Variants in MAGI2 observed in about 807,000 individuals in gnomAD.
The protein encoded by MAGI2 is membrane-associated guanylate kinase, WW and PDZ domain-containing protein 2.
Under a neutral mutation model 133.3 loss-of-function variants are expected in MAGI2, and 35 were observed. The observed-to-expected ratio is 0.26, with a 90% CI of 0.20 to 0.35. The LOEUF (loss-of-function observed/expected upper bound fraction) is 0.35. Ranked by LOEUF, MAGI2 falls within the 10% of genes least tolerant of loss-of-function variation. MAGI2 has a pLI of 1.00. For missense variants in MAGI2, 1,636 were observed against 1,863.4 expected, an observed-to-expected ratio of 0.88 and a Z score of 2.25; for synonymous variants, 729 against 710.6, an observed-to-expected ratio of 1.03 and a Z score of -0.41.
chr7:79,163,705 G>A lies in MAGI2; in HGVS notation c.302-156499C>T, dbSNP rs373626302. 3.1e-4 allele frequency among the ~76,000 whole-genome samples: 47 copies of A among 152,152 alleles called. No homozygotes were observed. The East Asian group carries it at 7.4e-3, about 24-fold the overall frequency. On this transcript the variant is annotated intron_variant, in intron 1 of 21. Transcript: ENST00000354212. ...CTGATCAAAGAATATAAGGATGCAA[G>A]CAGGGATTATTTTTTGGCTGCTTGG...
intron 3 of MAGI2, 145 bp downstream of exon 3, chr7:78,626,975 T>C: frequency 3.3e-6 from 2 of 602,736 alleles, no homozygotes; most frequent in Non-Finnish European, 4.9e-6. Context: ...TATTTTAACT[T>C]TTTTAGGATA....
At chr7:78,803,664 A>G (rs1412085656) in intron 2 of MAGI2, among the ~76,000 whole-genome samples, 1 of 152,176 alleles carries the variant, frequency 6.6e-6, no homozygotes, top group Non-Finnish European at 1.5e-5. Flanking sequence ...GGAAAAAGGA[A>G]ATGCTGACGC....
chr7:78,039,219 T>C (rs961067053), intron 21 of MAGI2, among the ~76,000 whole-genome samples: 1 of 152,230 alleles, frequency 6.6e-6, no homozygotes, highest in Non-Finnish European at 1.5e-5. Flanking sequence ...CAGGCTCTTC[T>C]TTGAAAAACT....
intron 9 of MAGI2, among the ~76,000 whole-genome samples, chr7:78,283,776 T>A (rs552553985): frequency 6.6e-6 from 1 of 152,096 alleles, no homozygotes; most frequent in Non-Finnish European, 1.5e-5. Context: ...CTGCTGTATG[T>A]CATGGCATCT....
chr7:78,070,651 T>A (rs1279413986), intron 21 of MAGI2, among the ~76,000 whole-genome samples: 2,325 of 147,734 alleles, frequency 0.016, 54 homozygotes, highest in Admixed American at 0.068. Flanking sequence ...TATATTTTTT[T>A]TTTTTTTTTA....
At chr7:78,091,495 A>G in intron 20 of MAGI2, among the ~76,000 whole-genome samples, 1 of 152,216 alleles carries the variant, frequency 6.6e-6, no homozygotes, top group Non-Finnish European at 1.5e-5. Flanking sequence ...CAAACAGACT[A>G]AGACACCAAT....
At chr7:79,332,432 A>G (rs956378098) in intron 1 of MAGI2, among the ~76,000 whole-genome samples, 7 of 151,922 alleles carry the variant, frequency 4.6e-5, no homozygotes, top group Non-Finnish European at 1.0e-4. Flanking sequence ...TCTTCAAACA[A>G]CTCCCTAATT....
At chr7:78,552,761 G>T (rs953353251) in intron 3 of MAGI2, among the ~76,000 whole-genome samples, 2 of 152,092 alleles carry the variant, frequency 1.3e-5, no homozygotes, top group Non-Finnish European at 2.9e-5. Context: ...AGGGTGCCCT[G>T]AGCCAAAGAG....
chr7:78,245,928 G>A (rs1421412509), intron 10 of MAGI2, among the ~76,000 whole-genome samples: 1 of 152,166 alleles, frequency 6.6e-6, no homozygotes, highest in Admixed American at 6.5e-5. Context: ...CTCTCGGGGT[G>A]AGTGGCCATG....
chr7:79,229,692 A>G (rs1282758297), intron 1 of MAGI2, among the ~76,000 whole-genome samples: 8 of 152,172 alleles, frequency 5.3e-5, no homozygotes, highest in Admixed American at 5.2e-4. Context: ...CAGAATTCTA[A>G]ATATGCTTGT....
At chr7:78,227,805 T>C (rs1340135908) in intron 10 of MAGI2, among the ~76,000 whole-genome samples, 1 of 151,714 alleles carries the variant, frequency 6.6e-6, no homozygotes, top group Non-Finnish European at 1.5e-5. Context: ...CTCTGTCACC[T>C]GAGGAAGTTG....
At chr7:79,199,201 G>A (rs781028830) in intron 1 of MAGI2, among the ~76,000 whole-genome samples, 7 of 151,808 alleles carry the variant, frequency 4.6e-5, no homozygotes, top group Non-Finnish European at 7.4e-5. Context: ...TTCCAACAGC[G>A]TCCAAGTATG....
Position 79,453,659 on chromosome 7 carries a change from A to T in MAGI2, c.-339T>A. On this transcript the variant is annotated 5_prime_UTR_variant, in exon 1 of 22. Transcript: ENST00000354212. The stretch of plus-strand genomic sequence containing the variant: ...GGAGCGAGCAGTAGCCGAGCTGGTG[A>T]GCGGGTGTGGTGGGGGTGGGGAAGG... 5.8e-6 allele frequency: 1 copy of T among 172,502 alleles called. No individual in the cohort carries two copies. Among genetic ancestry groups the T allele is most frequent in the Non-Finnish European group, 9.0e-6 (1 of 110,774 alleles). The allele number at this position is 172,502 out of a possible 1,614,324, so 10.7% of individuals were successfully genotyped here. A position where few individuals can be genotyped will look rare whatever the true frequency, so the allele number is the denominator to read the frequency against.
intron 2 of MAGI2, among the ~76,000 whole-genome samples, chr7:79,005,111 A>G (rs1417620986): frequency 6.6e-6 from 1 of 151,738 alleles, no homozygotes; most frequent in East Asian, 1.9e-4. Context: ...AGATATACTG[A>G]GTCAAGATGG....
chr7:78,985,030 C>T lies in MAGI2; in HGVS notation c.418+22060G>A, dbSNP rs147198245. On this transcript the variant is annotated intron_variant, in intron 2 of 21. Coordinates refer to ENST00000354212, the MANE Select transcript of MAGI2 (RefSeq NM_012301.4). ...TTTTTTTATTTAAATGAGTTTGGGTCTTGTTCTGTTGTCCAGACAGGAATG... is the reference window on the plus strand; with the variant it reads ...TTTTTTTATTTAAATGAGTTTGGGTTTTGTTCTGTTGTCCAGACAGGAATG... Among the ~76,000 whole-genome samples the T allele has an allele frequency of 1.0e-3, 144 of 140,384 alleles. 1 individual carries two copies. In the East Asian group the frequency reaches 0.024, roughly 23 times the overall value. 92.1% of individuals were successfully genotyped at this position (140,384 alleles called of 152,430 possible).
At chr7:79,347,467 T>A (rs965403457) in intron 1 of MAGI2, among the ~76,000 whole-genome samples, 1 of 151,852 alleles carries the variant, frequency 6.6e-6, no homozygotes. Context: ...AGCAATTTTT[T>A]TTTTGTCTGC....
At chr7:78,884,728 T>C (rs1796135114) in intron 2 of MAGI2, among the ~76,000 whole-genome samples, 1 of 152,132 alleles carries the variant, frequency 6.6e-6, no homozygotes, top group Non-Finnish European at 1.5e-5. Flanking sequence ...GGTGGAAATG[T>C]AAATTAGTTC....
In MAGI2 at chr7:78,432,126, A is replaced by AT. The variant is rs981236981; in HGVS notation, c.1045+57634dup. Among the ~76,000 whole-genome samples the AT allele has an allele frequency of 2.6e-4, 39 of 151,594 alleles. 1 individual carries two copies. The highest frequency in any genetic ancestry group is 1.0e-4 in the Non-Finnish European group (7 of 67,812). ...AGTAGGTTTAAATATTAAATTATTAATTTTTTTTATCTGACAGCAAATTTG... is the reference window on the plus strand; with the variant it reads ...AGTAGGTTTAAATATTAAATTATTAATTTTTTTTTATCTGACAGCAAATTTG... On this transcript the variant is annotated intron_variant, in intron 6 of 21. Coordinates refer to ENST00000354212, the MANE Select transcript of MAGI2 (RefSeq NM_012301.4).
At chr7:78,234,554 TATA>T (rs201472711) in intron 10 of MAGI2, among the ~76,000 whole-genome samples, 1,720 of 79,120 alleles carry the variant, frequency 0.022, 23 homozygotes, top group Non-Finnish European at 0.033. Flanking sequence ...TTCATTATAA[TATA>T]ATGAATATTT....
Sources: gnomAD v4.1 joint callset for allele counts (sites outside exome capture counted in the v4.1 genomes callset) on GRCh38, gnomAD v4.1.1 for gene constraint, MANE v1.5 for transcripts, NCBI Gene and HGNC (gene_info 2026-07-23, HGNC 2026-07-21) for gene names.